The following TBC1D2B variants were observed in gnomAD, a reference collection of about 807,000 sequenced individuals.
TBC1D2B encodes TBC1 domain family member 2B.
A neutral mutation model predicts 100.8 loss-of-function variants in TBC1D2B; 64 were observed. The observed-to-expected ratio is 0.64, with a 90% CI of 0.52 to 0.78. TBC1D2B has a LOEUF of 0.78. Among genes scored for constraint, TBC1D2B ranks in the 30% least tolerant of loss-of-function variants. The pLI is 0.00. For synonymous variants in TBC1D2B, 480 were observed against 479.7 expected (o/e 1.00, Z -0.01); for missense variants, 1,052 against 1,218.4 (o/e 0.86, Z 2.03).
At chr15:78,069,907 C>T (rs2073718114) in intron 1 of TBC1D2B, among the ~76,000 whole-genome samples, 1 of 152,200 alleles carries the variant, frequency 6.6e-6, no homozygotes, top group Non-Finnish European at 1.5e-5. Flanking sequence ...TCCCAGCCTC[C>T]AGAACTATGA....
chr15:78,053,964 C>T, intron 2 of TBC1D2B, 70 bp downstream of exon 2: 1 of 1,452,396 alleles, frequency 6.9e-7, no homozygotes, highest in South Asian at 1.3e-5. Flanking sequence ...TCATTCACTG[C>T]TAAGTTCATA....
intron 2 of TBC1D2B, among the ~76,000 whole-genome samples, chr15:78,045,969 T>C (rs187715380): frequency 1.2e-3 from 182 of 152,326 alleles, no homozygotes; most frequent in African/African-American, 4.2e-3. Context: ...TTTGCTCTTG[T>C]TGCCCAGGAC....
chr15:78,053,911 C>T (rs2073366576), intron 2 of TBC1D2B, 123 bp downstream of exon 2: 1 of 1,137,882 alleles, frequency 8.8e-7, no homozygotes. Context: ...ATGCTGTCCA[C>T]TCATAAGGTA....
chr15:78,020,829 C>T (rs1020471574), intron 6 of TBC1D2B, among the ~76,000 whole-genome samples: 10 of 152,132 alleles, frequency 6.6e-5, no homozygotes, highest in African/African-American at 2.4e-4. Flanking sequence ...CAGCTGGATG[C>T]ATAGATGAGC....
At chr15:78,060,981 C>T (rs1397594258) in intron 1 of TBC1D2B, among the ~76,000 whole-genome samples, 1 of 147,162 alleles carries the variant, frequency 6.8e-6, no homozygotes, top group Non-Finnish European at 1.5e-5. Context: ...CACAGTGGCT[C>T]ATGCCTGTAA....
At chr15:78,076,864 A>G (rs1431653763) in intron 1 of TBC1D2B, among the ~76,000 whole-genome samples, 1 of 152,244 alleles carries the variant, frequency 6.6e-6, no homozygotes, top group African/African-American at 2.4e-5. Flanking sequence ...ATCCCATTTT[A>G]CAGAGGAGGC....
intron 10 of TBC1D2B, among the ~76,000 whole-genome samples, chr15:78,004,374 AC>A (rs2072010758): frequency 6.6e-6 from 1 of 152,162 alleles, no homozygotes; most frequent in Admixed American, 6.5e-5. Context: ...CTGAGGAGAA[AC>A]CGCTCCTACA....
In TBC1D2B at chr15:78,030,024, G is replaced by A. The variant is rs774895230; in HGVS notation, c.830C>T (p.Thr277Ile). ...SIVQEEKKKL[T>I]PEGNKGVTGS... ...ATTGATACCTTTGTTTCCTTCAGGGGTCAGCTTCTTCTTTTCTTCCTGTAC... is the reference window on the plus strand; with the variant it reads ...ATTGATACCTTTGTTTCCTTCAGGGATCAGCTTCTTCTTTTCTTCCTGTAC... The change falls in exon 4 of 13, where the codon ACC becomes ATC. Residue 277 changes from threonine to isoleucine, a missense_variant. By Grantham distance (89) the Thr-to-Ile change is moderately conservative. Transcript: ENST00000300584. 70 of 1,607,874 alleles carry A rather than the reference G, an allele frequency of 4.4e-5. No homozygotes were observed. Among genetic ancestry groups the A allele is most frequent in the Admixed American group, 3.1e-4 (18 of 58,684 alleles).
chr15:78,044,932 A>T lies in TBC1D2B; in HGVS notation c.651T>A (p.Phe217Leu). 1 of 1,613,396 alleles carries T rather than the reference A, an allele frequency of 6.2e-7. No homozygotes were observed. Among genetic ancestry groups the T allele is most frequent in the South Asian group, 1.1e-5 (1 of 90,972 alleles). ...PAPGHPNSIN[F>L]YSLKQWGNEL... ...CATTGCCCCACTGTTTCAAAGAGTA[A>T]AAATTAATGGAATTTGGATGCCCTG... Residue 217 changes from phenylalanine to leucine, a missense_variant, in exon 3 of 13, where the codon TTT (phenylalanine) becomes TTA (leucine). Physicochemically the swap from Phe to Leu is conservative, Grantham distance 22. Transcript: ENST00000300584.
At chr15:78,066,967 A>C (rs966002714) in intron 1 of TBC1D2B, among the ~76,000 whole-genome samples, 3 of 152,238 alleles carry the variant, frequency 2.0e-5, no homozygotes, top group African/African-American at 7.2e-5. Flanking sequence ...CATGTGACTA[A>C]ACTTCTTAAA....
chr15:78,032,343 A>G (rs938613930), intron 3 of TBC1D2B, among the ~76,000 whole-genome samples: 6 of 152,210 alleles, frequency 3.9e-5, no homozygotes, highest in African/African-American at 1.4e-4. Flanking sequence ...GCAAACTTCA[A>G]AAGGATCAAA....
At chr15:78,023,812 T>A in intron 6 of TBC1D2B, among the ~76,000 whole-genome samples, 1 of 152,228 alleles carries the variant, frequency 6.6e-6, no homozygotes, top group East Asian at 1.9e-4. Context: ...AGTTTGTGTG[T>A]GATTTCATGC....
chr15:78,031,738 T>C (rs2072821273), intron 3 of TBC1D2B, among the ~76,000 whole-genome samples: 1 of 152,038 alleles, frequency 6.6e-6, no homozygotes, highest in South Asian at 2.1e-4. Context: ...GATTTCTGCT[T>C]CCAGTGAAGA....
intron 4 of TBC1D2B, among the ~76,000 whole-genome samples, chr15:78,028,219 A>G (rs1304575789): frequency 1.3e-5 from 2 of 152,206 alleles, no homozygotes; most frequent in African/African-American, 4.8e-5. Flanking sequence ...TCATGGCTGT[A>G]ATCTCAGTAC....
At chr15:78,009,858 CA>C (rs2072174387) in intron 9 of TBC1D2B, among the ~76,000 whole-genome samples, 1 of 151,482 alleles carries the variant, frequency 6.6e-6, no homozygotes, top group Non-Finnish European at 1.5e-5. Flanking sequence ...GCCTGTAGTC[CA>C]AGCTACCTGG....
chr15:78,058,796 G>A (rs973468267), intron 1 of TBC1D2B, among the ~76,000 whole-genome samples: 67 of 152,186 alleles, frequency 4.4e-4, no homozygotes, highest in African/African-American at 1.6e-3. Flanking sequence ...ACTCATGCTA[G>A]AAGAAACAGT....
At chr15:78,008,763 C>T (rs1254641994) in intron 10 of TBC1D2B, among the ~76,000 whole-genome samples, 3 of 152,172 alleles carry the variant, frequency 2.0e-5, no homozygotes, top group Admixed American at 6.5e-5. Flanking sequence ...GCCTGCAGGA[C>T]GGGTCTGTCT....
intron 2 of TBC1D2B, among the ~76,000 whole-genome samples, chr15:78,046,846 A>C (rs2073205716): frequency 6.6e-6 from 1 of 151,842 alleles, no homozygotes; most frequent in Admixed American, 6.6e-5. Context: ...AAGGTCACTG[A>C]GCACTGGTAA....
rs370387544 is a variant in TBC1D2B, at chr15:78,016,579, G to A, written c.1742C>T (p.Pro581Leu). ...DALQVESQEQ[P>L]EQAFVKPHLV... The stretch of plus-strand genomic sequence containing the variant: ...ATGAGGTTTAACAAATGCTTGCTCC[G>A]GCTGCTCTTGGCTCTCAACCTGCAG... Residue 581 changes from proline to leucine, a missense_variant, in exon 8 of 13, where the codon CCG becomes CTG. By Grantham distance (98) the Pro-to-Leu change is moderately conservative (BLOSUM62 -3). Coordinates refer to ENST00000300584, the MANE Select transcript of TBC1D2B (RefSeq NM_144572.2). 15 of 1,612,750 alleles carry A rather than the reference G, an allele frequency of 9.3e-6. No individual in the cohort carries two copies. Among genetic ancestry groups the A allele is most frequent in the East Asian group, 4.5e-5 (2 of 44,856 alleles).
Sources: allele counts gnomAD v4.1 joint callset (sites outside exome capture counted in the v4.1 genomes callset), GRCh38; gene constraint gnomAD v4.1.1; transcripts MANE v1.5; gene names NCBI Gene and HGNC (gene_info 2026-07-23, HGNC 2026-07-21).